COL4A6: variants seen among roughly 807,000 people sequenced by gnomAD.
COL4A6 encodes collagen type IV alpha 6 chain.
In COL4A6, 59 loss-of-function variants were observed where a neutral mutation model predicts 126.7. The ratio of observed to expected loss-of-function variants is 0.47; its 90% CI spans 0.38 to 0.58. COL4A6 has a LOEUF of 0.58. COL4A6 is among the 20% of genes least tolerant of loss of function. The pLI, the probability that COL4A6 is intolerant of heterozygous loss-of-function variation, is 0.00. For synonymous variants in COL4A6, 547 were observed against 496.6 expected (o/e 1.10, Z -1.35); for missense variants, 1,285 against 1,337.3 (o/e 0.96, Z 0.61).
intron 2 of COL4A6, among the ~76,000 whole-genome samples, chrX:108,436,023 A>T (rs1569467320): frequency 8.9e-6 from 1 of 111,833 alleles, no homozygotes; most frequent in Admixed American, 9.5e-5. Flanking sequence ...AAGAGTGTAA[A>T]AGAAAAACAA....
chrX:108,376,565 T>C (rs182177697), intron 2 of COL4A6, among the ~76,000 whole-genome samples: 135 of 111,593 alleles, frequency 1.2e-3, no homozygotes, highest in African/African-American at 3.9e-3. Flanking sequence ...GATCGTGCCA[T>C]TGCACTCCAG....
intron 23 of COL4A6, among the ~76,000 whole-genome samples, chrX:108,186,453 C>T (rs1451102937): frequency 1.8e-5 from 2 of 112,106 alleles, no homozygotes; most frequent in Non-Finnish European, 3.8e-5. Context: ...CTAATGGAAG[C>T]ATAGAAGTTG....
chrX:108,358,479 CT>C (rs1435271170), intron 2 of COL4A6, among the ~76,000 whole-genome samples: 1 of 107,726 alleles, frequency 9.3e-6, no homozygotes, highest in Non-Finnish European at 1.9e-5. Flanking sequence ...ACTACAACTT[CT>C]GCCTCCTGGG....
At position 108,179,364 on chromosome X, in the gene COL4A6, T is replaced by A; in HGVS notation, c.2206A>T (p.Met736Leu). 1 of 1,210,504 alleles carries A rather than the reference T, an allele frequency of 8.3e-7. No individual in the cohort carries two copies. The highest frequency in any genetic ancestry group is 1.1e-6 in the Non-Finnish European group (1 of 894,993). Residue 736 changes from methionine to leucine, a missense_variant, in exon 26 of 45, where the codon ATG (methionine) becomes TTG (leucine). Transcript: ENST00000334504. ...GLPGKDGLPG[M>L]IGSPGLPGSK... is the part of the protein sequence containing the mutation. The stretch of plus-strand genomic sequence containing the variant: ...CCAGGTAAGCCTGGACTGCCAATCA[T>A]CCCAGGCAAGCCATCTTTTCCAGGG...
chrX:108,226,968 C>A (rs1474325036), intron 3 of COL4A6, among the ~76,000 whole-genome samples: 1 of 111,671 alleles, frequency 9.0e-6, no homozygotes, highest in East Asian at 2.8e-4. Flanking sequence ...TCCTAACCTC[C>A]TACTCCAGGG....
At chrX:108,385,440 A>C in intron 2 of COL4A6, among the ~76,000 whole-genome samples, 1 of 111,734 alleles carries the variant, frequency 8.9e-6, no homozygotes, top group Non-Finnish European at 1.9e-5. Flanking sequence ...TTATAGATTC[A>C]ATAAAATCCC....
At chrX:108,177,615 A>G (rs984864894) in intron 27 of COL4A6, among the ~76,000 whole-genome samples, 1 of 112,245 alleles carries the variant, frequency 8.9e-6, no homozygotes, top group African/African-American at 3.2e-5. Flanking sequence ...GACGTCTTTC[A>G]CCACGCTTTA....
chrX:108,160,776 C>T (rs1275317749), intron 42 of COL4A6, 122 bp from the exon 43 acceptor site: 13 of 633,705 alleles, frequency 2.1e-5, no homozygotes, highest in African/African-American at 1.9e-4. Flanking sequence ...TCAATCCTCA[C>T]GATGACCCTG....
intron 3 of COL4A6, among the ~76,000 whole-genome samples, chrX:108,259,364 T>A (rs1463893265): frequency 2.7e-5 from 3 of 111,670 alleles, no homozygotes; most frequent in Non-Finnish European, 5.7e-5. Flanking sequence ...TTTATCATAG[T>A]TTAATAGCCA....
In COL4A6 at chrX:108,202,914, A is replaced by C. The variant is rs113779093; in HGVS notation, c.834+14T>G. 9 of 1,199,973 alleles carry C rather than the reference A, an allele frequency of 7.5e-6. No homozygotes were observed. The African/African-American group carries it at 8.8e-5, about 12-fold the overall frequency. On this transcript the variant is annotated intron_variant, in intron 13 of 44. Transcript: ENST00000334504. The stretch of plus-strand genomic sequence containing the variant: ...AGACCCTTGTATACATATTGATCAA[A>C]TAGAGAGACTTACCGGGAAGCCTGG...
At chrX:108,331,565 C>T (rs1372324309) in intron 2 of COL4A6, among the ~76,000 whole-genome samples, 1 of 111,827 alleles carries the variant, frequency 8.9e-6, no homozygotes, top group Non-Finnish European at 1.9e-5. Flanking sequence ...TTGTATATGC[C>T]ATCCGTCCTT....
chrX:108,196,456 G>T (rs974267731), intron 14 of COL4A6, 55 bp downstream of exon 14: 1 of 1,085,309 alleles, frequency 9.2e-7, no homozygotes, highest in Non-Finnish European at 1.3e-6. Flanking sequence ...AAACAGGAAA[G>T]AAAATGGACT....
chrX:108,223,402 T>C (rs1016985496), intron 3 of COL4A6, among the ~76,000 whole-genome samples: 19 of 110,547 alleles, frequency 1.7e-4, no homozygotes, highest in African/African-American at 6.3e-4. Context: ...AGAAAGAAAA[T>C]GTGGGCCTAG....
chrX:108,389,633 T>A (rs1315123008), intron 2 of COL4A6, among the ~76,000 whole-genome samples: 3 of 111,151 alleles, frequency 2.7e-5, no homozygotes, highest in African/African-American at 9.8e-5. Flanking sequence ...TTTGCATGTG[T>A]GATGGGTCTC....
At chrX:108,177,526 G>A (rs2034536880) in intron 27 of COL4A6, among the ~76,000 whole-genome samples, 2 of 111,360 alleles carry the variant, frequency 1.8e-5, no homozygotes, top group Admixed American at 9.5e-5. Context: ...CCAGTTCCTT[G>A]GCATTAAGGT....
At chrX:108,330,051 T>C (rs2039259058) in intron 2 of COL4A6, among the ~76,000 whole-genome samples, 1 of 98,664 alleles carries the variant, frequency 1.0e-5, no homozygotes, top group Non-Finnish European at 1.9e-5. Flanking sequence ...TAAACAGTTA[T>C]ATATATATAT....
chrX:108,157,126 G>C lies in COL4A6; in HGVS notation c.4947C>G (p.Tyr1649Ter). The C allele has an allele frequency of 8.3e-7, 1 of 1,212,047 alleles. No homozygotes were observed. Among genetic ancestry groups the C allele is most frequent in the Non-Finnish European group, 1.1e-6 (1 of 895,541 alleles). Residue 1649 changes from tyrosine to a stop codon, truncating the protein, a stop_gained, in exon 45 of 45, where the codon TAC (tyrosine) becomes TAG (stop). Transcript: ENST00000334504. LOFTEE classifies it high-confidence loss of function. ...CCTCCACTGTGGTCAACCAGAAACT[G>C]TACTTGTTTGCAAAGTAGTGGCAGG... Reference protein sequence around the residue: ...RGTCHYFANKYSFWLTTVEER... With the variant: ...RGTCHYFANK
At chrX:108,384,304 C>T (rs1335597927) in intron 2 of COL4A6, among the ~76,000 whole-genome samples, 2 of 112,084 alleles carry the variant, frequency 1.8e-5, no homozygotes, top group African/African-American at 6.5e-5. Context: ...TTCATCTTAA[C>T]TCTCCATCCA....
Position 108,169,760 on chromosome X carries a change from C to T in COL4A6, c.3566-140G>A, listed in dbSNP as rs751704325. ...TGAAGTAACAAGAAAGAAAGTTAAT[C>T]TGAGTAGAAGAAAAAAACCCATCCT... is the stretch of plus-strand genomic sequence containing the variant. On this transcript the variant is annotated intron_variant, in intron 36 of 44. Transcript: ENST00000334504. 1.6e-4 allele frequency: 149 copies of T among 945,155 alleles called. No homozygotes were observed. In the South Asian group the frequency reaches 2.8e-3, roughly 18 times the overall value. 77.9% of individuals were successfully genotyped at this position (945,155 alleles called of 1,213,427 possible).
Sources: allele counts gnomAD v4.1 joint callset (sites outside exome capture counted in the v4.1 genomes callset), GRCh38; gene constraint gnomAD v4.1.1; transcripts MANE v1.5; gene names NCBI Gene and HGNC (gene_info 2026-07-23, HGNC 2026-07-21).